Variants in NCOA2 observed in about 807,000 individuals in gnomAD.
NCOA2 encodes nuclear receptor coactivator 2, also known as class E basic helix-loop-helix protein 75.
In NCOA2, 21 loss-of-function variants were observed where a neutral mutation model predicts 145.1. The observed-to-expected ratio is 0.14, with a 90% CI of 0.10 to 0.21. The LOEUF (loss-of-function observed/expected upper bound fraction) is 0.21. NCOA2 is among the 10% of genes least tolerant of loss of function. NCOA2 has a pLI of 1.00. For synonymous variants in NCOA2, 619 were observed against 637.5 expected, an observed-to-expected ratio of 0.97 and a Z score of 0.44; for missense variants, 1,472 against 1,837.6, an observed-to-expected ratio of 0.80 and a Z score of 3.64.
chr8:70,170,397 A>C lies in NCOA2; in HGVS notation c.364-18T>G. 1.3e-6 allele frequency: 2 copies of C among 1,552,232 alleles called. No individual in the cohort carries two copies. Among genetic ancestry groups the C allele is most frequent in the Non-Finnish European group, 1.7e-6 (2 of 1,147,708 alleles). On this transcript the variant is annotated intron_variant, in intron 5 of 22. Transcript: ENST00000452400. ...TCAAGGGCCTAGGGAACAAAGTACA[A>C]ATTGTGTTAGAAAGGATGCAACATA...
intron 4 of NCOA2, among the ~76,000 whole-genome samples, chr8:70,189,654 T>C (rs1054093444): frequency 2.0e-5 from 3 of 152,234 alleles, no homozygotes; most frequent in Non-Finnish European, 4.4e-5. Context: ...TATGTTTTCT[T>C]TTTTAAAAAT....
intron 2 of NCOA2, among the ~76,000 whole-genome samples, chr8:70,221,472 A>T (rs1586155656): frequency 6.6e-6 from 1 of 152,192 alleles, no homozygotes; most frequent in Non-Finnish European, 1.5e-5. Context: ...CCAGGCTCTG[A>T]TAAGTCTAAA....
At chr8:70,405,409 G>C (rs1052083577), upstream of NCOA2, among the ~76,000 whole-genome samples, 1 of 102,738 alleles carries the variant, frequency 9.7e-6, no homozygotes, top group African/African-American at 3.7e-5. Context: ...TGTTTGCATT[G>C]ACTATGTATT....
intron 1 of NCOA2, among the ~76,000 whole-genome samples, chr8:70,306,713 T>C (rs960187801): frequency 6.6e-6 from 1 of 152,000 alleles, no homozygotes; most frequent in Non-Finnish European, 1.5e-5. Context: ...ACGTCGTCTC[T>C]ACAAAAAATA....
chr8:70,386,162 T>G (rs959171257), intron 1 of NCOA2, among the ~76,000 whole-genome samples: 3 of 152,210 alleles, frequency 2.0e-5, no homozygotes, highest in African/African-American at 7.2e-5. Flanking sequence ...CCACTATATC[T>G]ATCAAAAGTC....
intron 4 of NCOA2, among the ~76,000 whole-genome samples, chr8:70,192,518 C>T (rs553880315): frequency 1.7e-4 from 26 of 152,214 alleles, no homozygotes; most frequent in Non-Finnish European, 3.1e-4. Context: ...ACGGGCCTGC[C>T]CCTCTGCTCC....
chr8:70,183,390 C>T (rs1026520644), intron 4 of NCOA2, among the ~76,000 whole-genome samples: 1 of 152,112 alleles, frequency 6.6e-6, no homozygotes, highest in East Asian at 1.9e-4. Flanking sequence ...TGTAGGAGTA[C>T]TTAATAAAGT....
chr8:70,265,812 T>G (rs189688327), intron 2 of NCOA2, among the ~76,000 whole-genome samples: 149 of 151,136 alleles, frequency 9.9e-4, no homozygotes, highest in African/African-American at 3.1e-3. Flanking sequence ...ACTTCAGTTT[T>G]TTGTTGTTGT....
intron 15 of NCOA2, among the ~76,000 whole-genome samples, chr8:70,136,695 C>T (rs1028989088): frequency 5.9e-5 from 9 of 152,214 alleles, no homozygotes; most frequent in Middle Eastern, 3.4e-3. Context: ...ATTCATAAAA[C>T]GTTAAAAAAC....
chr8:70,402,181 C>T (rs1235897309), intron 1 of NCOA2: 2 of 152,540 alleles, frequency 1.3e-5, no homozygotes, highest in Non-Finnish European at 1.5e-5. Flanking sequence ...GGCAGGTCAG[C>T]TCCCTGCCTT....
In NCOA2 at chr8:70,114,345, GT is replaced by G. The variant is rs567851177; in HGVS notation, c.4384-703del. Among the ~76,000 whole-genome samples, 1,039 of 152,268 alleles carry G rather than the reference GT, an allele frequency of 6.8e-3. 8 individuals are homozygous for G. The highest frequency in any genetic ancestry group is 0.031 in the Middle Eastern group (9 of 294). ...CCGGCCTCTTGGGGTGTTCTTGCTG[GT>G]TTTTGGCTGCTATGTGCTGATGATG... On this transcript the variant is annotated intron_variant, in intron 22 of 22. Coordinates refer to ENST00000452400, the MANE Select transcript of NCOA2 (RefSeq NM_006540.4).
In NCOA2 at chr8:70,133,052, CAGATT is replaced by C. The variant is rs1217231515; in HGVS notation, c.3159-1055_3159-1051del. Among the ~76,000 whole-genome samples, 4 of 151,710 alleles carry C rather than the reference CAGATT, an allele frequency of 2.6e-5. No individual in the cohort carries two copies. The East Asian group carries it at 5.8e-4, about 22-fold the overall frequency. ...ACTCCTATACATTTAAATTAATTGT[CAGATT>C]AGAGTAGAGGAGGGGTGTGTGTGTG... On this transcript the variant is annotated intron_variant, in intron 15 of 22. Coordinates refer to ENST00000452400, the MANE Select transcript of NCOA2 (RefSeq NM_006540.4).
intron 22 of NCOA2, among the ~76,000 whole-genome samples, chr8:70,118,064 G>A (rs967992601): frequency 2.0e-5 from 3 of 152,174 alleles, no homozygotes; most frequent in African/African-American, 4.8e-5. Context: ...CTTACCCTAC[G>A]GAGTGGCTTT....
chr8:70,377,402 T>C (rs1364051937), intron 1 of NCOA2, among the ~76,000 whole-genome samples: 1 of 152,088 alleles, frequency 6.6e-6, no homozygotes, highest in East Asian at 1.9e-4. Flanking sequence ...ATTTAATAAA[T>C]AAAAATTTAG....
At chr8:70,267,488 C>T (rs990560437) in intron 2 of NCOA2, among the ~76,000 whole-genome samples, 2 of 151,724 alleles carry the variant, frequency 1.3e-5, no homozygotes, top group Non-Finnish European at 2.9e-5. Flanking sequence ...GCCTCAATCT[C>T]CCAGACTCAG....
chr8:70,179,889 A>G (rs1295625977), intron 4 of NCOA2, among the ~76,000 whole-genome samples: 2 of 152,156 alleles, frequency 1.3e-5, no homozygotes, highest in African/African-American at 4.8e-5. Context: ...CCCTGACTTC[A>G]TTATTTCTTC....
chr8:70,146,945 C>G (rs1811131971), intron 12 of NCOA2, among the ~76,000 whole-genome samples: 1 of 152,120 alleles, frequency 6.6e-6, no homozygotes, highest in Non-Finnish European at 1.5e-5. Context: ...CCTGCCTCAG[C>G]CTCCCCAAGT....
intron 1 of NCOA2, among the ~76,000 whole-genome samples, chr8:70,392,244 T>A (rs1246373472): frequency 6.6e-6 from 1 of 152,180 alleles, no homozygotes; most frequent in Non-Finnish European, 1.5e-5. Flanking sequence ...TTCTACCACA[T>A]TATTAAAGGA....
At chr8:70,347,845 A>G (rs1456736243) in intron 1 of NCOA2, among the ~76,000 whole-genome samples, 1 of 152,240 alleles carries the variant, frequency 6.6e-6, no homozygotes, top group Non-Finnish European at 1.5e-5. Flanking sequence ...ACTTGTACAC[A>G]TGCAGCTACA....
Sources: allele counts gnomAD v4.1 joint callset (sites outside exome capture counted in the v4.1 genomes callset), GRCh38; gene constraint gnomAD v4.1.1; transcripts MANE v1.5; gene names NCBI Gene and HGNC (gene_info 2026-07-23, HGNC 2026-07-21).